The following ASTN2 variants were observed in gnomAD, a reference collection of about 807,000 sequenced individuals.
ASTN2 encodes astrotactin 2.
ASTN2 carries 54 observed loss-of-function variants against 139.8 expected under a neutral mutation model. The ratio of observed to expected loss-of-function variants is 0.39; its 90% CI spans 0.31 to 0.48. ASTN2 has a LOEUF of 0.48. Ranked by LOEUF, ASTN2 falls within the 20% of genes least tolerant of loss-of-function variation. ASTN2 has a pLI of 0.95. For missense variants in ASTN2, 1,565 were observed against 1,725.1 expected (o/e 0.91, Z 1.64); for synonymous variants, 756 against 719.5 (o/e 1.05, Z -0.81).
intron 10 of ASTN2, among the ~76,000 whole-genome samples, chr9:116,924,199 A>G (rs1017698933): frequency 6.6e-6 from 1 of 152,032 alleles, no homozygotes; most frequent in Non-Finnish European, 1.5e-5. Context: ...ACCTGGGGTC[A>G]GGAGTTCGGA....
At chr9:117,080,931 T>A (rs1045954884) in intron 5 of ASTN2, among the ~76,000 whole-genome samples, 1 of 152,166 alleles carries the variant, frequency 6.6e-6, no homozygotes, top group Non-Finnish European at 1.5e-5. Flanking sequence ...TCTGATGCAA[T>A]TTCTTCAAAC....
chr9:116,791,367 G>A (rs1830554083), intron 13 of ASTN2, among the ~76,000 whole-genome samples: 1 of 152,216 alleles, frequency 6.6e-6, no homozygotes, highest in African/African-American at 2.4e-5. Context: ...AGATACCAAT[G>A]TGGATTGACC....
At chr9:116,749,772 C>T (rs1196416295) in intron 13 of ASTN2, among the ~76,000 whole-genome samples, 1 of 152,162 alleles carries the variant, frequency 6.6e-6, no homozygotes, top group Non-Finnish European at 1.5e-5. Flanking sequence ...CCGTTGGTGA[C>T]AAGTGAGTTC....
At position 116,722,903 on chromosome 9, in the gene ASTN2, C is replaced by T. The variant is rs137982836; in HGVS notation, c.2806+2868G>A. On this transcript the variant is annotated intron_variant, in intron 16 of 22. Transcript: ENST00000313400. Reference sequence around the variant, plus strand: ...GGTAGAGGCTGGGCGCTGTGGCTTACGCCTGTAATCTCAGCACTTTGGGAG... The same window carrying T: ...GGTAGAGGCTGGGCGCTGTGGCTTATGCCTGTAATCTCAGCACTTTGGGAG... Among the ~76,000 whole-genome samples, 25 of 152,256 alleles carry T rather than the reference C, an allele frequency of 1.6e-4. No individual in the cohort carries two copies. The East Asian group carries it at 3.9e-3, about 23-fold the overall frequency.
intron 10 of ASTN2, among the ~76,000 whole-genome samples, chr9:116,948,810 T>TTTG (rs1835477537): frequency 9.7e-6 from 1 of 102,584 alleles, no homozygotes; most frequent in African/African-American, 3.0e-5. Flanking sequence ...TTTTTTTTTT[T>TTTG]GAGAAGGAGT....
At chr9:116,521,069 A>C (rs749053898) in intron 19 of ASTN2, among the ~76,000 whole-genome samples, 5 of 152,114 alleles carry the variant, frequency 3.3e-5, no homozygotes, top group Non-Finnish European at 5.9e-5. Flanking sequence ...TATGAAAATG[A>C]CCATACTGCC....
rs534886781 is a variant in ASTN2, at chr9:116,840,375, C to G, written c.2041-19592G>C. Among the ~76,000 whole-genome samples the G allele has an allele frequency of 4.6e-5, 7 of 151,224 alleles. No individual in the cohort carries two copies. The East Asian group carries it at 1.4e-3, about 30-fold the overall frequency. On this transcript the variant is annotated intron_variant, in intron 11 of 22. Transcript: ENST00000313400. The stretch of plus-strand genomic sequence containing the variant: ...GCCGCGATTGTCATCCTGGCCTGTT[C>G]TCAATGAGCTGTTGGGTACACCTCC...
intron 11 of ASTN2, among the ~76,000 whole-genome samples, chr9:116,850,480 C>T (rs761627998): frequency 2.6e-5 from 4 of 152,104 alleles, no homozygotes; most frequent in Non-Finnish European, 5.9e-5. Context: ...TACTGGAGTC[C>T]TTATTTTGGA....
rs750964804 is a variant in ASTN2, at chr9:117,141,402, G to A, written c.1092C>T (p.Pro364=). Reference sequence around the variant, plus strand: ...GTGGTTGCAGCTGACCGATCTCGATGGGCGTGTTAGCGCGGAAACTCTCCT... The same window carrying A: ...GTGGTTGCAGCTGACCGATCTCGATAGGCGTGTTAGCGCGGAAACTCTCCT... The part of the protein sequence containing the change: ...KFKESFRANT[P]IEIGQLQPPL... The change falls in exon 4 of 23, where the codon CCC becomes CCT. Residue 364 remains proline, a synonymous_variant. Transcript: ENST00000313400. 2 of 1,367,508 alleles carry A rather than the reference G, an allele frequency of 1.5e-6. No individual in the cohort carries two copies. The highest frequency in any genetic ancestry group is 2.0e-6 in the Non-Finnish European group (2 of 1,021,832). The allele number at this position is 1,367,508 out of a possible 1,614,324, so 84.7% of individuals were successfully genotyped here.
chr9:116,800,019 C>T (rs959875854), intron 13 of ASTN2, among the ~76,000 whole-genome samples: 1 of 152,182 alleles, frequency 6.6e-6, no homozygotes, highest in Non-Finnish European at 1.5e-5. Flanking sequence ...AATTCCTAAT[C>T]CAGTGGTCTC....
At chr9:117,138,415 G>A (rs991181015) in intron 4 of ASTN2, among the ~76,000 whole-genome samples, 2 of 152,242 alleles carry the variant, frequency 1.3e-5, no homozygotes, top group African/African-American at 4.8e-5. Flanking sequence ...CGTTTGCTGT[G>A]TTGGTGAAAC....
rs566827306 is a variant in ASTN2, at chr9:116,836,128, G to A, written c.2041-15345C>T. On this transcript the variant is annotated intron_variant, in intron 11 of 22. Transcript: ENST00000313400. Reference sequence around the variant, plus strand: ...GAGGTAGGAATTCACCTCCCCACTAGGACTTCACGGATCTCTTCCTGGATG... The same window carrying A: ...GAGGTAGGAATTCACCTCCCCACTAAGACTTCACGGATCTCTTCCTGGATG... 2.0e-5 allele frequency among the ~76,000 whole-genome samples: 3 copies of A among 152,214 alleles called. No homozygotes were observed. The South Asian group carries it at 6.2e-4, about 32-fold the overall frequency.
chr9:117,376,985 G>A (rs543833138), intron 1 of ASTN2, among the ~76,000 whole-genome samples: 1 of 152,236 alleles, frequency 6.6e-6, no homozygotes, highest in East Asian at 1.9e-4. Flanking sequence ...GTACAGCTGA[G>A]AGCTTAGAAA....
chr9:116,570,208 G>A (rs1399967884), intron 19 of ASTN2, among the ~76,000 whole-genome samples: 2 of 152,160 alleles, frequency 1.3e-5, no homozygotes, highest in African/African-American at 4.8e-5. Context: ...CTGATATACA[G>A]TGCCCAGCAC....
intron 5 of ASTN2, among the ~76,000 whole-genome samples, chr9:117,083,580 G>A (rs554129739): frequency 9.2e-5 from 14 of 152,262 alleles, no homozygotes; most frequent in African/African-American, 1.4e-4. Context: ...AACACTGGCC[G>A]TCTCACAGCG....
intron 19 of ASTN2, among the ~76,000 whole-genome samples, chr9:116,606,905 G>T (rs115279984): frequency 0.017 from 2,525 of 152,150 alleles, 70 homozygotes; most frequent in African/African-American, 0.057. Flanking sequence ...CAGAAGCCAG[G>T]TTTTCCCAAG....
chr9:116,741,829 G>C (rs1564243111), intron 13 of ASTN2, among the ~76,000 whole-genome samples: 1 of 152,196 alleles, frequency 6.6e-6, no homozygotes, highest in Non-Finnish European at 1.5e-5. Context: ...TTAAGCAGCA[G>C]TTAGAAACTG....
chr9:117,402,415 T>C (rs1830858803), intron 1 of ASTN2, among the ~76,000 whole-genome samples: 1 of 152,142 alleles, frequency 6.6e-6, no homozygotes, highest in Non-Finnish European at 1.5e-5. Context: ...ACTGAAAGGA[T>C]GAGAGGCAAG....
At chr9:117,366,783 T>C (rs1829856452) in intron 1 of ASTN2, among the ~76,000 whole-genome samples, 1 of 152,040 alleles carries the variant, frequency 6.6e-6, no homozygotes, top group African/African-American at 2.4e-5. Context: ...ATCTTCTCTT[T>C]TTTTTTTCTG....
Sources: gnomAD v4.1 joint callset for allele counts (sites outside exome capture counted in the v4.1 genomes callset) on GRCh38, gnomAD v4.1.1 for gene constraint, MANE v1.5 for transcripts, NCBI Gene and HGNC (gene_info 2026-07-23, HGNC 2026-07-21) for gene names.